The following FAM107B variants were observed in gnomAD, a reference collection of about 807,000 sequenced individuals.
FAM107B encodes family with sequence similarity 107 member B.
Under a neutral mutation model 31.5 loss-of-function variants are expected in FAM107B, and 21 were observed. The ratio of observed to expected loss-of-function variants is 0.67; its 90% CI spans 0.47 to 0.96. FAM107B has a LOEUF of 0.96. Among genes scored for constraint, FAM107B ranks in the 40% least tolerant of loss-of-function variants. The probability of loss-of-function intolerance (pLI) is 0.00; values close to 1 mark genes in which losing one functional copy is unlikely to be tolerated. For synonymous variants in FAM107B, 157 were observed against 141.5 expected (o/e 1.11, Z -0.78); for missense variants, 452 against 377.1 (o/e 1.20, Z -1.64).
intron 2 of FAM107B, among the ~76,000 whole-genome samples, chr10:14,604,050 C>T (rs1278977620): frequency 6.8e-6 from 1 of 146,332 alleles, no homozygotes; most frequent in Non-Finnish European, 1.5e-5. Context: ...GCCCCGGCAC[C>T]TCCCGGGCGC....
At chr10:14,639,903 C>G (rs1853589401) in intron 2 of FAM107B, among the ~76,000 whole-genome samples, 1 of 152,216 alleles carries the variant, frequency 6.6e-6, no homozygotes, top group South Asian at 2.1e-4. Context: ...CTTTGTCTAA[C>G]AAAGGCTTAT....
At chr10:14,664,393 T>C (rs1854353584) in intron 2 of FAM107B, among the ~76,000 whole-genome samples, 1 of 152,250 alleles carries the variant, frequency 6.6e-6, no homozygotes, top group Non-Finnish European at 1.5e-5. Flanking sequence ...AATACAGTCA[T>C]GTGCCATGTA....
At chr10:14,714,334 G>A (rs1452690076) in intron 1 of FAM107B, among the ~76,000 whole-genome samples, 2 of 152,088 alleles carry the variant, frequency 1.3e-5, no homozygotes, top group African/African-American at 4.8e-5. Context: ...GTTAGCTCAG[G>A]GACTTTACAA....
At chr10:14,693,186 A>C (rs1855183881) in intron 1 of FAM107B, among the ~76,000 whole-genome samples, 1 of 152,226 alleles carries the variant, frequency 6.6e-6, no homozygotes, top group Admixed American at 6.5e-5. Flanking sequence ...TATATATTTA[A>C]GGTATATGGC....
intron 2 of FAM107B, chr10:14,572,387 G>GT: frequency 1.0e-6 from 1 of 985,352 alleles, no homozygotes; most frequent in Non-Finnish European, 1.2e-6. Flanking sequence ...GGAAGCATGC[G>GT]TGAGTCAACC....
intron 1 of FAM107B, among the ~76,000 whole-genome samples, chr10:14,712,626 A>AAAAAGAAG (rs1554851690): frequency 6.8e-6 from 1 of 146,854 alleles, no homozygotes; most frequent in Non-Finnish European, 1.5e-5. Context: ...AACAAAAAAA[A>AAAAAGAAG]AAGAAGAAGA....
At chr10:14,603,032 A>ACACAG in intron 2 of FAM107B, among the ~76,000 whole-genome samples, 1 of 95,520 alleles carries the variant, frequency 1.0e-5, no homozygotes, top group Non-Finnish European at 2.5e-5. Flanking sequence ...CACACACACA[A>ACACAG]ACACACTATG....
intron 2 of FAM107B, among the ~76,000 whole-genome samples, chr10:14,568,708 T>A (rs1397483346): frequency 1.3e-5 from 2 of 150,654 alleles, no homozygotes; most frequent in Non-Finnish European, 2.9e-5. Context: ...GACCAGGAGG[T>A]GAAGATACTG....
At chr10:14,557,195 T>C (rs1028730570) in intron 2 of FAM107B, among the ~76,000 whole-genome samples, 1 of 152,216 alleles carries the variant, frequency 6.6e-6, no homozygotes, top group Admixed American at 6.5e-5. Flanking sequence ...CCATCTGTAA[T>C]TGTTTAATTT....
At chr10:14,674,517 T>C (rs11259260) in intron 1 of FAM107B, among the ~76,000 whole-genome samples, 29,229 of 152,156 alleles carry the variant, frequency 0.19, 2,912 homozygotes, top group South Asian at 0.3. Flanking sequence ...TTTGCCAGTC[T>C]TATCCTCTCC....
chr10:14,740,125 C>G (rs1159529544), intron 1 of FAM107B, among the ~76,000 whole-genome samples: 2 of 152,136 alleles, frequency 1.3e-5, no homozygotes, highest in South Asian at 2.1e-4. Context: ...TGACATTTAC[C>G]CAAATGAATT....
At chr10:14,623,142 CT>C (rs1853060028) in intron 2 of FAM107B, among the ~76,000 whole-genome samples, 1 of 152,206 alleles carries the variant, frequency 6.6e-6, no homozygotes, top group Non-Finnish European at 1.5e-5. Context: ...AACCCTCTTT[CT>C]TTTGGTGTTC....
chr10:14,671,156 G>A (rs1248304689), intron 1 of FAM107B, among the ~76,000 whole-genome samples: 2 of 152,120 alleles, frequency 1.3e-5, no homozygotes, highest in Non-Finnish European at 2.9e-5. Context: ...CCACTCCAGG[G>A]GTGCAACATA....
chr10:14,665,760 G>A (rs1182694364), intron 2 of FAM107B, among the ~76,000 whole-genome samples: 3 of 152,080 alleles, frequency 2.0e-5, no homozygotes, highest in Admixed American at 2.0e-4. Flanking sequence ...CAACCCCAAG[G>A]GGCCTTGTTT....
At chr10:14,638,043 G>C (rs558278036) in intron 2 of FAM107B, among the ~76,000 whole-genome samples, 95 of 152,238 alleles carry the variant, frequency 6.2e-4, no homozygotes, top group African/African-American at 2.0e-3. Flanking sequence ...CTAAGTTTGT[G>C]GTAATATGTG....
chr10:14,688,266 G>T (rs971733856), intron 1 of FAM107B, among the ~76,000 whole-genome samples: 3 of 152,140 alleles, frequency 2.0e-5, no homozygotes, highest in East Asian at 3.9e-4. Context: ...CTGCACTGTC[G>T]GCTTCCCTAC....
chr10:14,667,815 A>T, intron 1 of FAM107B, 124 bp from the exon 2 acceptor site: 1 of 897,800 alleles, frequency 1.1e-6, no homozygotes, highest in South Asian at 1.6e-5. Context: ...CTTAAACCAC[A>T]CCTTAAAGAA....
intron 1 of FAM107B, among the ~76,000 whole-genome samples, chr10:14,690,098 T>G (rs927055488): frequency 1.2e-4 from 18 of 152,060 alleles, no homozygotes; most frequent in Admixed American, 9.2e-4. Context: ...ATATCCTCCA[T>G]GTGACCCATC....
intron 2 of FAM107B, among the ~76,000 whole-genome samples, chr10:14,581,826 C>T (rs1242722789): frequency 6.6e-6 from 1 of 152,184 alleles, no homozygotes; most frequent in African/African-American, 2.4e-5. Context: ...TCACTTGAGT[C>T]CAGGAGTCCA....
Sources: allele counts gnomAD v4.1 joint callset (sites outside exome capture counted in the v4.1 genomes callset), GRCh38; gene constraint gnomAD v4.1.1; transcripts MANE v1.5; gene names NCBI Gene and HGNC (gene_info 2026-07-23, HGNC 2026-07-21).